Variants in VSTM2B observed in about 807,000 individuals in gnomAD.
VSTM2B encodes V-set and transmembrane domain containing 2B.
In VSTM2B, 24 loss-of-function variants were observed where a neutral mutation model predicts 24.0. The observed-to-expected ratio is 1.00, with a 90% CI of 0.72 to 1.40. The LOEUF is 1.40. VSTM2B is among the 40% of genes most tolerant of loss of function. The pLI is 0.00. For synonymous variants in VSTM2B, 226 were observed against 194.4 expected (o/e 1.16, Z -1.35); for missense variants, 399 against 416.4 (o/e 0.96, Z 0.36).
At chr19:29,528,961 G>T (rs965062952) in intron 3 of VSTM2B, 41 of 985,332 alleles carry the variant, frequency 4.2e-5, no homozygotes, top group Non-Finnish European at 4.7e-5. Context: ...GGACGGGGTA[G>T]GGGGTGGTTG....
intron 4 of VSTM2B, among the ~76,000 whole-genome samples, chr19:29,536,077 C>A (rs1256078472): frequency 6.6e-6 from 1 of 152,184 alleles, no homozygotes; most frequent in African/African-American, 2.4e-5. Context: ...CCTGCTTCAT[C>A]CCTAACAGCA....
intron 4 of VSTM2B, among the ~76,000 whole-genome samples, chr19:29,557,288 G>A (rs1355546373): frequency 6.6e-6 from 1 of 152,186 alleles, no homozygotes; most frequent in Non-Finnish European, 1.5e-5. Flanking sequence ...CAAGCAATGG[G>A]GAAAGGATTC....
intron 2 of VSTM2B, 136 bp from the exon 3 acceptor site, chr19:29,528,297 G>T (rs1449642765): frequency 9.4e-7 from 1 of 1,063,330 alleles, no homozygotes; most frequent in Non-Finnish European, 1.4e-6. Flanking sequence ...CGTCCTTTGT[G>T]CCCTCAACCC....
chr19:29,558,613 G>A (rs938137302), intron 4 of VSTM2B, among the ~76,000 whole-genome samples: 1 of 152,152 alleles, frequency 6.6e-6, no homozygotes, highest in African/African-American at 2.4e-5. Context: ...TGCAAGAACA[G>A]AAAACCAAAC....
At chr19:29,533,900 G>A (rs553919190) in intron 4 of VSTM2B, among the ~76,000 whole-genome samples, 22 of 152,332 alleles carry the variant, frequency 1.4e-4, no homozygotes, top group African/African-American at 4.6e-4. Flanking sequence ...GAGGGAGCTC[G>A]GGGCAGACGA....
rs1179195599 is a variant in VSTM2B, at chr19:29,527,252, G to C, written c.124G>C (p.Gly42Arg). The C allele has an allele frequency of 6.5e-7, 1 of 1,550,350 alleles. No individual in the cohort carries two copies. Among genetic ancestry groups the C allele is most frequent in the Non-Finnish European group, 8.7e-7 (1 of 1,146,742 alleles). ...EVPKDVTVRE[G>R]DDIEMPCAFR... ...CCCCAAAGATGTGACAGTACGGGAG[G>C]GAGACGACATCGAAATGCCCTGCGC... The change falls in exon 2 of 5, where the codon GGA becomes CGA. Residue 42 changes from glycine (G) to arginine (R), a missense_variant. By Grantham distance (125) the Gly-to-Arg change is moderately radical (BLOSUM62 -2). Coordinates refer to ENST00000335523, the MANE Select transcript of VSTM2B (RefSeq NM_001146339.2).
chr19:29,542,474 G>A (rs1970044607), intron 4 of VSTM2B, among the ~76,000 whole-genome samples: 1 of 150,802 alleles, frequency 6.6e-6, no homozygotes, highest in Admixed American at 6.6e-5. Flanking sequence ...GAATGAATGG[G>A]TGAGTAGAAG....
chr19:29,552,755 G>C (rs1970315307), intron 4 of VSTM2B, among the ~76,000 whole-genome samples: 1 of 152,202 alleles, frequency 6.6e-6, no homozygotes, highest in Admixed American at 6.5e-5. Flanking sequence ...TGCAGTTCCA[G>C]TCTGCTGCTT....
chr19:29,559,547 C>T (rs911331031), intron 4 of VSTM2B, among the ~76,000 whole-genome samples: 3 of 152,096 alleles, frequency 2.0e-5, no homozygotes, highest in Middle Eastern at 3.2e-3. Context: ...TACCATGGTA[C>T]GTGTATACCT....
At chr19:29,532,044 C>T (rs1969773223) in intron 4 of VSTM2B, among the ~76,000 whole-genome samples, 1 of 152,220 alleles carries the variant, frequency 6.6e-6, no homozygotes, top group Admixed American at 6.5e-5. Context: ...TACTCTCAGG[C>T]ATGCATTGTG....
At chr19:29,544,661 A>C (rs1970108127) in intron 4 of VSTM2B, among the ~76,000 whole-genome samples, 1 of 152,034 alleles carries the variant, frequency 6.6e-6, no homozygotes, top group South Asian at 2.1e-4. Context: ...TTAGACAAAG[A>C]CATGTGTACT....
chr19:29,531,120 C>T (rs1006618205), intron 4 of VSTM2B, among the ~76,000 whole-genome samples: 5 of 137,806 alleles, frequency 3.6e-5, no homozygotes, highest in Admixed American at 7.5e-5. Flanking sequence ...CGGTGGGGGG[C>T]GGTTATGGAG....
intron 4 of VSTM2B, among the ~76,000 whole-genome samples, chr19:29,544,741 C>G (rs1223242226): frequency 1.3e-5 from 2 of 152,074 alleles, no homozygotes; most frequent in Non-Finnish European, 2.9e-5. Context: ...AGAGGGAACT[C>G]GAGACAGGCC....
chr19:29,563,985 G>T lies in VSTM2B; in HGVS notation c.*51G>T, dbSNP rs1441669896. ...AGAGGCCGCACATGACCTGCCCGGG[G>T]CCCTCGGTGAGGACCATGTCGCTGG... On this transcript the variant is annotated 3_prime_UTR_variant, in exon 5 of 5. Coordinates refer to ENST00000335523, the MANE Select transcript of VSTM2B (RefSeq NM_001146339.2). 4.1e-6 allele frequency: 6 copies of T among 1,475,636 alleles called. No individual in the cohort carries two copies. The highest frequency in any genetic ancestry group is 5.6e-6 in the Non-Finnish European group (6 of 1,078,062). The allele number at this position is 1,475,636 out of a possible 1,614,324, so 91.4% of individuals were successfully genotyped here.
intron 4 of VSTM2B, among the ~76,000 whole-genome samples, chr19:29,560,790 G>A (rs775587761): frequency 4.6e-5 from 7 of 152,208 alleles, no homozygotes; most frequent in Non-Finnish European, 1.0e-4. Flanking sequence ...GGAGTACTTA[G>A]AGGCAATTTT....
At chr19:29,537,053 A>G (rs1020544177) in intron 4 of VSTM2B, among the ~76,000 whole-genome samples, 2 of 152,090 alleles carry the variant, frequency 1.3e-5, no homozygotes, top group African/African-American at 4.8e-5. Context: ...GCTGACTATC[A>G]CCAGGCATCT....
intron 4 of VSTM2B, among the ~76,000 whole-genome samples, chr19:29,550,136 C>T (rs746737441): frequency 6.6e-6 from 1 of 152,236 alleles, no homozygotes; most frequent in Non-Finnish European, 1.5e-5. Flanking sequence ...CTTGTTCTGA[C>T]TAAAGATCTG....
chr19:29,561,921 G>T (rs77374983), intron 4 of VSTM2B, among the ~76,000 whole-genome samples: 7,622 of 152,298 alleles, frequency 0.05, 257 homozygotes, highest in African/African-American at 0.099. Context: ...CAGAGGCAGA[G>T]CACCAGCCTG....
chr19:29,560,334 A>C (rs779979271), intron 4 of VSTM2B, among the ~76,000 whole-genome samples: 1 of 152,154 alleles, frequency 6.6e-6, no homozygotes, highest in Non-Finnish European at 1.5e-5. Flanking sequence ...CATGCCATGC[A>C]CATATTAATT....
Sources: allele counts gnomAD v4.1 joint callset (sites outside exome capture counted in the v4.1 genomes callset), GRCh38; gene constraint gnomAD v4.1.1; transcripts MANE v1.5; gene names NCBI Gene and HGNC (gene_info 2026-07-23, HGNC 2026-07-21).